Variants in CXCL13 observed in about 807,000 individuals in gnomAD.
CXCL13 encodes the protein C-X-C motif chemokine ligand 13.
A neutral mutation model predicts 12.2 loss-of-function variants in CXCL13; 7 were observed. The observed-to-expected ratio is 0.57, with a 90% CI of 0.33 to 1.07. The LOEUF is 1.07. CXCL13 is among the 50% of genes least tolerant of loss of function. The probability of loss-of-function intolerance (pLI) is 0.04; values close to 1 mark genes in which losing one functional copy is unlikely to be tolerated. For missense variants in CXCL13, 113 were observed against 127.4 expected (o/e 0.89, Z 0.55); for synonymous variants, 47 against 42.4 (o/e 1.11, Z -0.42).
chr4:77,562,038 G>T (rs1560526724), intron 1 of CXCL13, among the ~76,000 whole-genome samples: 1 of 152,144 alleles, frequency 6.6e-6, no homozygotes. Flanking sequence ...GGTGCGCCGG[G>T]TCCCCCAGCA....
intron 1 of CXCL13, among the ~76,000 whole-genome samples, chr4:77,536,877 A>G (rs897452497): frequency 6.6e-6 from 1 of 152,204 alleles, no homozygotes; most frequent in East Asian, 1.9e-4. Context: ...AAAAAAAGCT[A>G]TCTCATTTTT....
intron 1 of CXCL13, among the ~76,000 whole-genome samples, chr4:77,580,709 TCCTCCCCTCCCCTCC>T (rs1214845456): frequency 7.6e-6 from 1 of 132,250 alleles, no homozygotes; most frequent in Non-Finnish European, 1.6e-5. Flanking sequence ...AGACACCCTC[TCCTCCCCTCCCCTCC>T]CCTCCCCCTC....
At position 77,556,131 on chromosome 4, in the gene CXCL13, C is replaced by T. The variant is rs181488654; in HGVS notation, c.-43+44343C>T. ...CCAATGAGAAATAAAAACATACATC[C>T]ATTCAGAGACTTATACACAAATGCT... is the stretch of plus-strand genomic sequence containing the variant. On this transcript the variant is annotated intron_variant, in intron 1 of 4. Transcript: ENST00000286758. 1.6e-4 allele frequency among the ~76,000 whole-genome samples: 25 copies of T among 152,330 alleles called. No homozygotes were observed. In the East Asian group the frequency reaches 4.4e-3, roughly 27 times the overall value.
chr4:77,565,657 C>G (rs1725909784), intron 1 of CXCL13, among the ~76,000 whole-genome samples: 1 of 152,172 alleles, frequency 6.6e-6, no homozygotes. Flanking sequence ...ATTTGAATAT[C>G]TATCAAGTGT....
intron 1 of CXCL13, among the ~76,000 whole-genome samples, chr4:77,527,832 G>C (rs1009763386): frequency 2.6e-5 from 4 of 151,940 alleles, no homozygotes; most frequent in African/African-American, 4.8e-5. Context: ...ATAACGTGCA[G>C]GTTAGTTACA....
At chr4:77,554,862 G>A (rs114527428) in intron 1 of CXCL13, among the ~76,000 whole-genome samples, 4,313 of 151,832 alleles carry the variant, frequency 0.028, 90 homozygotes, top group Middle Eastern at 0.058. Flanking sequence ...AAGAATATGA[G>A]GATATATTTT....
chr4:77,592,609 G>C (rs1726640949), intron 1 of CXCL13, among the ~76,000 whole-genome samples: 1 of 149,088 alleles, frequency 6.7e-6, no homozygotes. Context: ...AATATATAAT[G>C]AAATTAATTA....
intron 1 of CXCL13, among the ~76,000 whole-genome samples, chr4:77,522,022 G>C (rs771041423): frequency 1.3e-5 from 2 of 152,154 alleles, no homozygotes; most frequent in Non-Finnish European, 2.9e-5. Context: ...GTGCAGTTTT[G>C]AGTGAATTTC....
At chr4:77,610,731 T>A (rs1727126072) in intron 3 of CXCL13, 37 bp downstream of exon 3, 3 of 1,475,514 alleles carry the variant, frequency 2.0e-6, no homozygotes, top group Non-Finnish European at 2.8e-6. Context: ...AGATTCCAAC[T>A]TGTACTGAAG....
intron 1 of CXCL13, among the ~76,000 whole-genome samples, chr4:77,516,792 TG>T (rs1346185266): frequency 1.3e-5 from 2 of 152,314 alleles, no homozygotes; most frequent in East Asian, 3.9e-4. Flanking sequence ...GAAGGGTTTT[TG>T]TGTCTCTATT....
At chr4:77,592,621 A>C (rs928552024) in intron 1 of CXCL13, among the ~76,000 whole-genome samples, 7 of 152,236 alleles carry the variant, frequency 4.6e-5, no homozygotes, top group Admixed American at 3.9e-4. Flanking sequence ...AATTAATTAA[A>C]TAAATAATTG....
intron 1 of CXCL13, among the ~76,000 whole-genome samples, chr4:77,576,164 G>A (rs1370777759): frequency 6.6e-6 from 1 of 151,994 alleles, no homozygotes; most frequent in Non-Finnish European, 1.5e-5. Flanking sequence ...AAATGTACAG[G>A]ACTCATGAAG....
At chr4:77,583,230 A>G (rs760847947) in intron 1 of CXCL13, among the ~76,000 whole-genome samples, 2 of 152,172 alleles carry the variant, frequency 1.3e-5, no homozygotes, top group African/African-American at 2.4e-5. Flanking sequence ...GTCCATCTGG[A>G]CCACTTGAAT....
Position 77,562,753 on chromosome 4 carries a change from C to T in CXCL13, c.-42-43071C>T, listed in dbSNP as rs150676798. Among the ~76,000 whole-genome samples the T allele has an allele frequency of 4.4e-4, 67 of 152,106 alleles. No individual in the cohort carries two copies. The East Asian group carries it at 9.5e-3, about 22-fold the overall frequency. On this transcript the variant is annotated intron_variant, in intron 1 of 4. Coordinates refer to the CXCL13 transcript ENST00000286758. ...TTTGTAAATGCACCAATCAGTGATC[C>T]GTGTCTAGCTAATCTAGTGGGGATT... is the stretch of plus-strand genomic sequence containing the variant.
chr4:77,517,959 C>G (rs914017144), intron 1 of CXCL13, among the ~76,000 whole-genome samples: 1 of 152,148 alleles, frequency 6.6e-6, no homozygotes, highest in Admixed American at 6.5e-5. Flanking sequence ...TTGTTCCTTT[C>G]CACGTTTAGT....
chr4:77,537,978 G>T (rs1725101114), intron 1 of CXCL13, among the ~76,000 whole-genome samples: 1 of 152,142 alleles, frequency 6.6e-6, no homozygotes, highest in African/African-American at 2.4e-5. Flanking sequence ...TAGAATCTAA[G>T]CCCAAAGTTA....
chr4:77,600,655 G>A (rs1033406035), intron 1 of CXCL13, among the ~76,000 whole-genome samples: 2 of 152,140 alleles, frequency 1.3e-5, no homozygotes, highest in African/African-American at 4.8e-5. Context: ...AAGCACAATT[G>A]CTTGATCACT....
chr4:77,596,720 G>T (rs969795932), intron 1 of CXCL13, among the ~76,000 whole-genome samples: 10 of 151,244 alleles, frequency 6.6e-5, no homozygotes, highest in Non-Finnish European at 1.2e-4. Flanking sequence ...GGGAGGCAGA[G>T]GTTGCAGTGA....
At chr4:77,528,026 G>A (rs1333436639) in intron 1 of CXCL13, among the ~76,000 whole-genome samples, 7 of 152,126 alleles carry the variant, frequency 4.6e-5, no homozygotes, top group Admixed American at 1.3e-4. Flanking sequence ...GAGAACATGC[G>A]GTGTTTGGTT....
Sources: allele counts gnomAD v4.1 joint callset (sites outside exome capture counted in the v4.1 genomes callset), GRCh38; gene constraint gnomAD v4.1.1; transcripts MANE v1.5; gene names NCBI Gene and HGNC (gene_info 2026-07-23, HGNC 2026-07-21).